The following SHANK2 variants were observed in gnomAD, a reference collection of about 807,000 sequenced individuals.
SHANK2 encodes the protein SH3 and multiple ankyrin repeat domains 2, also known as SH3 and multiple ankyrin repeat domains protein 2.
A neutral mutation model predicts 133.7 loss-of-function variants in SHANK2; 43 were observed. That is an observed-to-expected ratio of 0.32 (90% CI 0.25 to 0.41). The LOEUF is 0.41. SHANK2 is among the 10% of genes least tolerant of loss of function. The probability of loss-of-function intolerance (pLI) is 1.00; values close to 1 mark genes in which losing one functional copy is unlikely to be tolerated. For missense variants in SHANK2, 1,994 were observed against 2,235.8 expected (o/e 0.89, Z 2.18); for synonymous variants, 1,017 against 952.8 (o/e 1.07, Z -1.24).
intron 17 of SHANK2, among the ~76,000 whole-genome samples, chr11:70,587,523 A>G (rs782001814): frequency 4.4e-4 from 67 of 152,280 alleles, no homozygotes; most frequent in Non-Finnish European, 8.1e-4. Context: ...CATGTTCAGA[A>G]AAAAAGGGTA....
chr11:70,693,156 T>C (rs185577819), intron 15 of SHANK2, among the ~76,000 whole-genome samples: 1 of 152,316 alleles, frequency 6.6e-6, no homozygotes, highest in East Asian at 1.9e-4. Context: ...CCATTGTTGC[T>C]TGGCCTGAAT....
chr11:70,643,285 C>T (rs1375314943), intron 17 of SHANK2, among the ~76,000 whole-genome samples: 7 of 152,072 alleles, frequency 4.6e-5, no homozygotes, highest in African/African-American at 1.2e-4. Flanking sequence ...AAGCAGAGGC[C>T]GGGTGCGGTG....
At chr11:71,149,135 G>A (rs531813057) in intron 2 of SHANK2, among the ~76,000 whole-genome samples, 4 of 152,276 alleles carry the variant, frequency 2.6e-5, no homozygotes, top group East Asian at 3.9e-4. Context: ...GAGTGCAGGG[G>A]GCAGAAGAGG....
intron 10 of SHANK2, among the ~76,000 whole-genome samples, chr11:70,905,342 C>G (rs1420226663): frequency 6.6e-6 from 1 of 152,214 alleles, no homozygotes; most frequent in Non-Finnish European, 1.5e-5. Context: ...ACACCCTTCA[C>G]TGAACACCAC....
chr11:71,177,714 G>A (rs917071829), intron 2 of SHANK2, among the ~76,000 whole-genome samples: 7 of 152,006 alleles, frequency 4.6e-5, no homozygotes, highest in Non-Finnish European at 8.8e-5. Flanking sequence ...CTTTCTATAA[G>A]AAATGCACTT....
chr11:71,217,453 G>A (rs530130900), intron 2 of SHANK2, among the ~76,000 whole-genome samples: 36 of 148,614 alleles, frequency 2.4e-4, no homozygotes, highest in African/African-American at 8.2e-4. Context: ...GCAGTGAGCC[G>A]AGATCATGCC....
At chr11:70,649,378 C>T (rs782771055) in intron 17 of SHANK2, among the ~76,000 whole-genome samples, 2 of 152,142 alleles carry the variant, frequency 1.3e-5, no homozygotes, top group Non-Finnish European at 2.9e-5. Flanking sequence ...ATTCTCAGGG[C>T]TCCACAGCAT....
chr11:70,511,050 C>T (rs553382889), intron 17 of SHANK2, among the ~76,000 whole-genome samples: 5 of 152,312 alleles, frequency 3.3e-5, no homozygotes, highest in East Asian at 1.9e-4. Flanking sequence ...AGCTGTGCGT[C>T]GTGTGGCTTT....
At chr11:71,242,896 T>C (rs781985108) in intron 1 of SHANK2, among the ~76,000 whole-genome samples, 9 of 152,318 alleles carry the variant, frequency 5.9e-5, no homozygotes, top group East Asian at 3.9e-4. Context: ...CCAACCACAA[T>C]AGAATGAAAT....
intron 14 of SHANK2, among the ~76,000 whole-genome samples, chr11:70,727,819 C>T (rs921361945): frequency 6.6e-6 from 1 of 152,204 alleles, no homozygotes; most frequent in East Asian, 1.9e-4. Flanking sequence ...TCTGTTCCCC[C>T]AAGACGCTGG....
intron 11 of SHANK2, among the ~76,000 whole-genome samples, chr11:70,844,198 C>A (rs887097144): frequency 1.2e-4 from 18 of 152,174 alleles, no homozygotes; most frequent in Non-Finnish European, 2.2e-4. Flanking sequence ...GGCACCCCTA[C>A]AACATTAGTT....
At chr11:70,588,042 G>A (rs2060276732) in intron 17 of SHANK2, among the ~76,000 whole-genome samples, 3 of 152,062 alleles carry the variant, frequency 2.0e-5, no homozygotes, top group Admixed American at 6.6e-5. Flanking sequence ...TTGTTTTGGG[G>A]TGCCATGAAC....
At chr11:70,653,401 C>A (rs2061362494) in intron 17 of SHANK2, among the ~76,000 whole-genome samples, 1 of 151,984 alleles carries the variant, frequency 6.6e-6, no homozygotes, top group South Asian at 2.1e-4. Context: ...CTAGAGGCCA[C>A]CTCACATTTC....
In SHANK2 at chr11:71,185,448, G is replaced by T. The variant is rs187490643; in HGVS notation, c.-12-38110C>A. On this transcript the variant is annotated intron_variant, in intron 2 of 25. Coordinates refer to ENST00000601538, the MANE Select transcript of SHANK2 (RefSeq NM_012309.5). ...CCACATTCTGAGTAATGGCCAGGAA[G>T]AGAAGGATGGGGATTATATAGACCA... Among the ~76,000 whole-genome samples the T allele has an allele frequency of 9.2e-5, 14 of 152,348 alleles. No individual in the cohort carries two copies. In the East Asian group the frequency reaches 2.7e-3, roughly 29 times the overall value.
At chr11:71,081,498 G>A (rs891255685) in intron 8 of SHANK2, among the ~76,000 whole-genome samples, 1 of 152,136 alleles carries the variant, frequency 6.6e-6, no homozygotes, top group Non-Finnish European at 1.5e-5. Context: ...TTGGAAAGAT[G>A]AGGTCTCTTA....
chr11:70,819,144 G>A lies in SHANK2; in HGVS notation c.1493+1220C>T, dbSNP rs1428808028. 5.9e-5 allele frequency among the ~76,000 whole-genome samples: 9 copies of A among 152,344 alleles called. No homozygotes were observed. In the East Asian group the frequency reaches 9.6e-4, roughly 16 times the overall value. On this transcript the variant is annotated intron_variant, in intron 12 of 25. Coordinates refer to ENST00000601538, the MANE Select transcript of SHANK2 (RefSeq NM_012309.5). The stretch of plus-strand genomic sequence containing the variant: ...GTCAGGGGCCTCAGCACTGAATGCC[G>A]ACATCACCAAAAACATGGCAACGGC...
chr11:70,621,466 C>T (rs2060828002), intron 17 of SHANK2, among the ~76,000 whole-genome samples: 1 of 152,212 alleles, frequency 6.6e-6, no homozygotes. Flanking sequence ...TCTGCCCCAC[C>T]ACACTGCCAG....
intron 15 of SHANK2, among the ~76,000 whole-genome samples, chr11:70,686,199 C>T (rs1211303996): frequency 1.6e-4 from 21 of 132,160 alleles, no homozygotes; most frequent in African/African-American, 6.2e-4. Flanking sequence ...TCCACCCATC[C>T]ATCTATCCAT....
intron 17 of SHANK2, among the ~76,000 whole-genome samples, chr11:70,582,588 T>C (rs1048567793): frequency 6.6e-6 from 1 of 152,210 alleles, no homozygotes. Context: ...CCTCGTTCAC[T>C]GAGGGTGGCC....
Sources: allele counts gnomAD v4.1 joint callset (sites outside exome capture counted in the v4.1 genomes callset), GRCh38; gene constraint gnomAD v4.1.1; transcripts MANE v1.5; gene names NCBI Gene and HGNC (gene_info 2026-07-23, HGNC 2026-07-21).